Variants in SCG5 observed in about 807,000 individuals in gnomAD.
The protein encoded by SCG5 is secretogranin V.
SCG5 carries 18 observed loss-of-function variants against 25.7 expected under a neutral mutation model. That is an observed-to-expected ratio of 0.70 (90% CI 0.48 to 1.04). The LOEUF (loss-of-function observed/expected upper bound fraction) is 1.04, where lower values mean the gene tolerates loss of function less well. SCG5 is among the 50% of genes least tolerant of loss of function. SCG5 has a pLI of 0.00. For missense variants in SCG5, 206 were observed against 259.8 expected (o/e 0.79, Z 1.42); for synonymous variants, 101 against 91.7 (o/e 1.10, Z -0.58).
chr15:32,656,111 T>C (rs1427980242), intron 2 of SCG5: 1 of 152,224 alleles, frequency 6.6e-6, no homozygotes, highest in African/African-American at 2.4e-5. Context: ...AGGCATTATT[T>C]ATTGTCTGGT....
intron 2 of SCG5, among the ~76,000 whole-genome samples, chr15:32,648,994 G>A (rs369585881): frequency 6.6e-6 from 1 of 152,266 alleles, no homozygotes; most frequent in East Asian, 1.9e-4. Context: ...CTGACCTCGT[G>A]ATCCTCCCGC....
At chr15:32,680,058 G>A (rs1215023034) in intron 3 of SCG5, 143 bp downstream of exon 3, 1 of 745,528 alleles carries the variant, frequency 1.3e-6, no homozygotes, top group African/African-American at 1.8e-5. Context: ...GATGGGAAGG[G>A]GAAATTTATT....
chr15:32,644,688 G>GA (rs1385581583), intron 2 of SCG5, among the ~76,000 whole-genome samples: 1 of 152,206 alleles, frequency 6.6e-6, no homozygotes, highest in African/African-American at 2.4e-5. Context: ...GAATCCTAAA[G>GA]AAGTAGCATG....
At chr15:32,687,310 C>T (rs988366874) in intron 4 of SCG5, among the ~76,000 whole-genome samples, 1 of 152,118 alleles carries the variant, frequency 6.6e-6, no homozygotes, top group Non-Finnish European at 1.5e-5. Context: ...TCAGTGTTTC[C>T]TATTCTTTGT....
At chr15:32,691,905 G>A (rs1462977597) in intron 5 of SCG5, 142 bp downstream of exon 5, 1 of 1,487,970 alleles carries the variant, frequency 6.7e-7, no homozygotes, top group South Asian at 1.3e-5. Context: ...CATGTGACAA[G>A]GGCCACACCC....
Position 32,681,203 on chromosome 15 carries a change from T to C in SCG5, c.376+1288T>C, listed in dbSNP as rs570950085. Among the ~76,000 whole-genome samples the C allele has an allele frequency of 9.2e-5, 14 of 152,306 alleles. No individual in the cohort carries two copies. In the South Asian group the frequency reaches 2.5e-3, roughly 27 times the overall value. Reference sequence around the variant, plus strand: ...AGCCTAATAATAATAATAGTTGGTATTTATCAGGTTGGTGCAAAAGTAATT... The same window carrying C: ...AGCCTAATAATAATAATAGTTGGTACTTATCAGGTTGGTGCAAAAGTAATT... On this transcript the variant is annotated intron_variant, in intron 3 of 5. Coordinates refer to ENST00000300175, the MANE Select transcript of SCG5 (RefSeq NM_001144757.3).
chr15:32,656,182 C>G (rs1215466748), intron 2 of SCG5: 2 of 152,240 alleles, frequency 1.3e-5, no homozygotes, highest in Non-Finnish European at 2.9e-5. Flanking sequence ...CTGGAGGTTT[C>G]TAAGTTCCTC....
At chr15:32,688,135 T>A (rs1056091981) in intron 4 of SCG5, among the ~76,000 whole-genome samples, 1 of 152,132 alleles carries the variant, frequency 6.6e-6, no homozygotes, top group Admixed American at 6.5e-5. Context: ...ACATTCCCTA[T>A]CTTTTCATGG....
intron 2 of SCG5, among the ~76,000 whole-genome samples, chr15:32,674,491 A>G (rs62001856): frequency 3.2e-4 from 48 of 152,134 alleles, no homozygotes; most frequent in Non-Finnish European, 5.6e-4. Flanking sequence ...TTTAATTTTC[A>G]TATTTCTGTT....
intron 2 of SCG5, among the ~76,000 whole-genome samples, chr15:32,667,860 A>G (rs929442704): frequency 6.6e-6 from 1 of 152,120 alleles, no homozygotes; most frequent in East Asian, 1.9e-4. Flanking sequence ...TTTTTATTAC[A>G]GATGGGGTTT....
chr15:32,657,403 T>G (rs2054142151), intron 2 of SCG5, among the ~76,000 whole-genome samples: 2 of 151,010 alleles, frequency 1.3e-5, no homozygotes, highest in Non-Finnish European at 2.9e-5. Flanking sequence ...GAGAAACATG[T>G]GACTGTAATG....
At position 32,696,696 on chromosome 15, in the gene SCG5, C is replaced by A; in HGVS notation, c.*87C>A. ...GTGTAAATGGAGTCCCTGTGAATGA[C>A]AGCATGTTTCTTACATAGATAATTA... On this transcript the variant is annotated 3_prime_UTR_variant, in exon 6 of 6. Transcript: ENST00000300175. 1 of 774,376 alleles carries A rather than the reference C, an allele frequency of 1.3e-6. No homozygotes were observed. The highest frequency in any genetic ancestry group is 2.3e-6 in the Non-Finnish European group (1 of 442,760). The allele number at this position is 774,376 out of a possible 1,614,324, so 48.0% of individuals were successfully genotyped here. A position where few individuals can be genotyped will look rare whatever the true frequency, so the allele number is the denominator to read the frequency against.
At chr15:32,673,101 G>A (rs2054466100) in intron 2 of SCG5, 1 of 152,110 alleles carries the variant, frequency 6.6e-6, no homozygotes, top group Non-Finnish European at 1.5e-5. Context: ...GAGAACTCAC[G>A]TTCAAGGGAG....
intron 2 of SCG5, among the ~76,000 whole-genome samples, chr15:32,654,812 A>C (rs1231650724): frequency 6.6e-6 from 1 of 152,126 alleles, no homozygotes; most frequent in Non-Finnish European, 1.5e-5. Flanking sequence ...TGTTGAAACA[A>C]CCTTGCCATA....
intron 4 of SCG5, 48 bp from the exon 5 acceptor site, chr15:32,691,661 AT>A (rs1197241628): frequency 2.8e-6 from 4 of 1,453,394 alleles, no homozygotes; most frequent in African/African-American, 1.4e-5. Flanking sequence ...CATTCACCAA[AT>A]TTGATCCATA....
chr15:32,676,809 A>G (rs1187238262), intron 2 of SCG5, among the ~76,000 whole-genome samples: 1 of 152,242 alleles, frequency 6.6e-6, no homozygotes, highest in Non-Finnish European at 1.5e-5. Context: ...TTAGCAGCCA[A>G]TTGCCAACAC....
Position 32,696,725 on chromosome 15 carries a change from A to C in SCG5, c.*116A>C, listed in dbSNP as rs971670410. 25 of 667,798 alleles carry C rather than the reference A, an allele frequency of 3.7e-5. No individual in the cohort carries two copies. The East Asian group carries it at 5.7e-4, about 15-fold the overall frequency. 41.4% of individuals were successfully genotyped at this position (667,798 alleles called of 1,614,324 possible). On this transcript the variant is annotated 3_prime_UTR_variant, in exon 6 of 6. Coordinates refer to ENST00000300175, the MANE Select transcript of SCG5 (RefSeq NM_001144757.3). ...ATGTTTCTTACATAGATAATTATGG[A>C]TACAAAGCAGCTGTATGTAGATAGT...
rs1366134977 is a variant in SCG5 at position 32,696,714 on chromosome 15, G to A, written c.*105G>A. 2.9e-6 allele frequency: 2 copies of A among 683,688 alleles called. No homozygotes were observed. The highest frequency in any genetic ancestry group is 5.3e-6 in the Non-Finnish European group (2 of 377,800). 42.4% of individuals were successfully genotyped at this position (683,688 alleles called of 1,614,324 possible). A position where few individuals can be genotyped will look rare whatever the true frequency, so the allele number is the denominator to read the frequency against. On this transcript the variant is annotated 3_prime_UTR_variant, in exon 6 of 6. Transcript: ENST00000300175. ...TGAATGACAGCATGTTTCTTACATA[G>A]ATAATTATGGATACAAAGCAGCTGT...
chr15:32,657,985 T>A (rs1333754624), intron 2 of SCG5, among the ~76,000 whole-genome samples: 1 of 152,174 alleles, frequency 6.6e-6, no homozygotes, highest in African/African-American at 2.4e-5. Flanking sequence ...CTTTTCCCCT[T>A]ACTTCCCACT....
Sources: allele counts gnomAD v4.1 joint callset (sites outside exome capture counted in the v4.1 genomes callset), GRCh38; gene constraint gnomAD v4.1.1; transcripts MANE v1.5; gene names NCBI Gene and HGNC (gene_info 2026-07-23, HGNC 2026-07-21).